Variants in PDZRN4 observed in about 807,000 individuals in gnomAD.
The protein encoded by PDZRN4 is PDZ domain-containing RING finger protein 4.
A neutral mutation model predicts 99.0 loss-of-function variants in PDZRN4; 70 were observed. The observed-to-expected ratio is 0.71, with a 90% CI of 0.58 to 0.86. PDZRN4 has a LOEUF of 0.86. PDZRN4 is among the 40% of genes least tolerant of loss of function. The pLI is 0.00. For synonymous variants in PDZRN4, 551 were observed against 501.6 expected (o/e 1.10, Z -1.32); for missense variants, 1,474 against 1,331.2 (o/e 1.11, Z -1.67).
At chr12:41,232,984 T>C (rs959151659) in intron 3 of PDZRN4, among the ~76,000 whole-genome samples, 10 of 152,148 alleles carry the variant, frequency 6.6e-5, no homozygotes, top group South Asian at 2.1e-4. Context: ...GATGTAGATA[T>C]GCGGCATTAT....
intron 3 of PDZRN4, among the ~76,000 whole-genome samples, chr12:41,428,372 C>A (rs898969503): frequency 5.9e-5 from 9 of 152,094 alleles, no homozygotes; most frequent in Non-Finnish European, 1.2e-4. Context: ...TTTCTTCTCA[C>A]AATAATGTTT....
At chr12:41,473,683 G>A (rs1953014524) in intron 3 of PDZRN4, among the ~76,000 whole-genome samples, 1 of 152,116 alleles carries the variant, frequency 6.6e-6, no homozygotes, top group African/African-American at 2.4e-5. Flanking sequence ...CTGGTGACCT[G>A]CTTACTAAGC....
intron 3 of PDZRN4, among the ~76,000 whole-genome samples, chr12:41,213,541 C>G (rs1333352357): frequency 1.3e-5 from 2 of 152,030 alleles, no homozygotes; most frequent in Non-Finnish European, 2.9e-5. Flanking sequence ...CTGGTTGGGC[C>G]AGTAAAGCCC....
chr12:41,477,976 G>A (rs1468685067), intron 3 of PDZRN4: 18 of 1,093,966 alleles, frequency 1.6e-5, no homozygotes, highest in South Asian at 2.7e-5. Context: ...ATCAGTGAGC[G>A]AATTAATCTA....
chr12:41,381,670 G>C (rs550792483), intron 3 of PDZRN4, among the ~76,000 whole-genome samples: 13 of 151,798 alleles, frequency 8.6e-5, no homozygotes, highest in Non-Finnish European at 1.5e-4. Flanking sequence ...ATGTTTTCTT[G>C]TAGTTCACTG....
rs1190039757 is a variant in PDZRN4 at position 41,402,177 on chromosome 12, GTA to G, written c.844-104266_844-104265del. ...GTATATATATATATATACACACTGAGTATATATATATATACACACACACTGAG... is the reference window on the plus strand; with the variant it reads ...GTATATATATATATATACACACTGAGTATATATATATACACACACACTGAG... On this transcript the variant is annotated intron_variant, in intron 3 of 9. Transcript: ENST00000402685. Among the ~76,000 whole-genome samples the G allele has an allele frequency of 3.0e-4, 17 of 56,546 alleles. 4 individuals carry two copies. The highest frequency in any genetic ancestry group is 1.8e-3 in the African/African-American group (13 of 7,266). The allele number at this position is 56,546 out of a possible 152,430, so 37.1% of individuals were successfully genotyped here. A position where few individuals can be genotyped will look rare whatever the true frequency, so the allele number is the denominator to read the frequency against.
intron 3 of PDZRN4, among the ~76,000 whole-genome samples, chr12:41,467,545 T>C (rs1952939780): frequency 6.6e-6 from 1 of 152,236 alleles, no homozygotes; most frequent in Non-Finnish European, 1.5e-5. Context: ...TTCTGGGTTC[T>C]ATATTCATTC....
At chr12:41,504,532 A>G (rs1263092285) in intron 3 of PDZRN4, among the ~76,000 whole-genome samples, 1 of 152,144 alleles carries the variant, frequency 6.6e-6, no homozygotes, top group Admixed American at 6.5e-5. Context: ...AACATATGGG[A>G]TGATATTATT....
chr12:41,491,589 GT>G (rs1172147381), intron 3 of PDZRN4, among the ~76,000 whole-genome samples: 1 of 152,102 alleles, frequency 6.6e-6, no homozygotes, highest in Non-Finnish European at 1.5e-5. Context: ...CAGGGTGAAT[GT>G]TTTTTGCCTG....
chr12:41,436,098 G>A (rs1332250655), intron 3 of PDZRN4, among the ~76,000 whole-genome samples: 1 of 152,132 alleles, frequency 6.6e-6, no homozygotes, highest in African/African-American at 2.4e-5. Flanking sequence ...TTTCCATAGA[G>A]GAATCAAGTC....
intron 3 of PDZRN4, among the ~76,000 whole-genome samples, chr12:41,322,465 T>C (rs1951685417): frequency 6.7e-6 from 1 of 148,362 alleles, no homozygotes; most frequent in African/African-American, 2.5e-5. Flanking sequence ...AAAACGAACT[T>C]TGGAAATTTA....
chr12:41,199,203 C>T (rs1272647583), intron 3 of PDZRN4, among the ~76,000 whole-genome samples: 2 of 152,114 alleles, frequency 1.3e-5, no homozygotes, highest in Non-Finnish European at 2.9e-5. Context: ...CTATAGGTCA[C>T]CTGTAAATCT....
intron 7 of PDZRN4, among the ~76,000 whole-genome samples, chr12:41,560,664 C>T (rs983635844): frequency 1.3e-5 from 2 of 152,168 alleles, no homozygotes; most frequent in African/African-American, 2.4e-5. Context: ...TCCATGTCTG[C>T]CTGGTATTTT....
chr12:41,449,148 T>C (rs1002826170), intron 3 of PDZRN4, among the ~76,000 whole-genome samples: 1 of 152,202 alleles, frequency 6.6e-6, no homozygotes, highest in Non-Finnish European at 1.5e-5. Flanking sequence ...CTCCCATTTT[T>C]CTTCATCTGA....
chr12:41,372,981 A>G (rs1455618082), intron 3 of PDZRN4, among the ~76,000 whole-genome samples: 4 of 152,208 alleles, frequency 2.6e-5, no homozygotes, highest in African/African-American at 4.8e-5. Context: ...GGGACAGAGT[A>G]CAAAATAGAG....
At chr12:41,399,293 G>A (rs1201991140) in intron 3 of PDZRN4, among the ~76,000 whole-genome samples, 1 of 152,056 alleles carries the variant, frequency 6.6e-6, no homozygotes, top group Non-Finnish European at 1.5e-5. Flanking sequence ...ACATATGAAA[G>A]CATAAGAGTA....
intron 3 of PDZRN4, among the ~76,000 whole-genome samples, chr12:41,448,240 A>G (rs897707407): frequency 1.3e-5 from 2 of 152,104 alleles, no homozygotes; most frequent in African/African-American, 4.8e-5. Context: ...ATTTTAACCA[A>G]AGAAAACTAT....
chr12:41,309,784 A>T (rs900679651), intron 3 of PDZRN4, among the ~76,000 whole-genome samples: 18 of 152,314 alleles, frequency 1.2e-4, no homozygotes, highest in Non-Finnish European at 2.1e-4. Flanking sequence ...AAATATTTTT[A>T]AAAAATACTT....
intron 9 of PDZRN4, among the ~76,000 whole-genome samples, chr12:41,571,059 T>C (rs113727618): frequency 0.015 from 2,287 of 152,266 alleles, 50 homozygotes; most frequent in African/African-American, 0.048. Context: ...TATCCTTCTT[T>C]AGCACTAGCT....
Sources: gnomAD v4.1 joint callset for allele counts (sites outside exome capture counted in the v4.1 genomes callset) on GRCh38, gnomAD v4.1.1 for gene constraint, MANE v1.5 for transcripts, NCBI Gene and HGNC (gene_info 2026-07-23, HGNC 2026-07-21) for gene names.